The following ZFYVE28 variants were observed in gnomAD, a reference collection of about 807,000 sequenced individuals.
ZFYVE28 encodes the protein zinc finger FYVE-type containing 28.
Under a neutral mutation model 82.1 loss-of-function variants are expected in ZFYVE28, and 40 were observed. The observed-to-expected ratio is 0.49, with a 90% CI of 0.38 to 0.63. The LOEUF is 0.63. ZFYVE28 is among the 30% of genes least tolerant of loss of function. ZFYVE28 has a pLI of 0.00. For synonymous variants in ZFYVE28, 612 were observed against 546.1 expected (o/e 1.12, Z -1.68); for missense variants, 1,321 against 1,242.1 (o/e 1.06, Z -0.96).
intron 1 of ZFYVE28, among the ~76,000 whole-genome samples, chr4:2,368,154 G>A (rs1727082650): frequency 6.8e-6 from 1 of 147,154 alleles, no homozygotes; most frequent in African/African-American, 2.5e-5. Context: ...GAGGTGGGAG[G>A]AGCACTTGAG....
At chr4:2,359,340 G>T (rs1476400536) in intron 1 of ZFYVE28, among the ~76,000 whole-genome samples, 1 of 152,070 alleles carries the variant, frequency 6.6e-6, no homozygotes, top group Admixed American at 6.6e-5. Flanking sequence ...TGCCCGGGCT[G>T]GTCTGGAACT....
chr4:2,357,881 A>G (rs1725569650), intron 1 of ZFYVE28, among the ~76,000 whole-genome samples: 1 of 152,172 alleles, frequency 6.6e-6, no homozygotes, highest in Non-Finnish European at 1.5e-5. Context: ...AAAACCTCAC[A>G]ACACTAGTGC....
Position 2,272,138 on chromosome 4 carries a change from T to C in ZFYVE28, c.2324-359A>G, listed in dbSNP as rs76667421. ...CACCTGCCGTCTCTGAATCATGATT[T>C]CCAGAAGGCAGTCCTGCCAACCTCC... On this transcript the variant is annotated intron_variant, in intron 10 of 12. Transcript: ENST00000290974. Among the ~76,000 whole-genome samples the C allele has an allele frequency of 1.0e-3, 157 of 152,318 alleles. 2 individuals are homozygous for C. In the East Asian group the frequency reaches 0.029, roughly 28 times the overall value.
Position 2,364,733 on chromosome 4 carries a change from T to C in ZFYVE28, c.40-10660A>G, listed in dbSNP as rs1289811631. 7 of 985,322 alleles carry C rather than the reference T, an allele frequency of 7.1e-6. No homozygotes were observed. The East Asian group carries it at 6.8e-4, about 96-fold the overall frequency. The allele number at this position is 985,322 out of a possible 1,614,324, so 61.0% of individuals were successfully genotyped here. A position where few individuals can be genotyped will look rare whatever the true frequency, so the allele number is the denominator to read the frequency against. On this transcript the variant is annotated intron_variant, in intron 1 of 12. Coordinates refer to ENST00000290974, the MANE Select transcript of ZFYVE28 (RefSeq NM_020972.3). Reference sequence around the variant, plus strand: ...CAGGGGTGACAGTGGTGGACGCAGGTGATGAGCATAACGTTGTGCATTCCC... The same window carrying C: ...CAGGGGTGACAGTGGTGGACGCAGGCGATGAGCATAACGTTGTGCATTCCC...
rs1199211871 is a variant in ZFYVE28, at chr4:2,416,094, G to T, written c.39+2191C>A. 6.6e-6 allele frequency among the ~76,000 whole-genome samples: 1 copy of T among 152,224 alleles called. No individual in the cohort carries two copies. Among genetic ancestry groups the T allele is most frequent in the Non-Finnish European group, 1.5e-5 (1 of 68,034 alleles). Reference sequence around the variant, plus strand: ...TCTGGGCTGATCCCTGGGATCAGCTGATTCACTGGCTGTGCCCTCTTGGTG... The same window carrying T: ...TCTGGGCTGATCCCTGGGATCAGCTTATTCACTGGCTGTGCCCTCTTGGTG... On this transcript the variant is annotated intron_variant, in intron 1 of 12. Transcript: ENST00000290974. The surrounding 1 kb of genome is among the most constrained non-coding windows in gnomAD (Gnocchi z 4.6).
intron 1 of ZFYVE28, among the ~76,000 whole-genome samples, chr4:2,389,346 T>C (rs1166276490): frequency 6.6e-6 from 1 of 152,200 alleles, no homozygotes; most frequent in Non-Finnish European, 1.5e-5. Context: ...GAGGCCAGCC[T>C]GCCTGAGGCT....
At chr4:2,292,906 C>G (rs7666177) in intron 8 of ZFYVE28, among the ~76,000 whole-genome samples, 12,839 of 152,192 alleles carry the variant, frequency 0.084, 1,288 homozygotes, top group African/African-American at 0.24. Flanking sequence ...TTCAGCAAAT[C>G]AAAGCCAACA....
In ZFYVE28 at chr4:2,304,925, C is replaced by T. The variant is rs748917099; in HGVS notation, c.1415G>A (p.Ser472Asn). Residue 472 changes from serine (S) to asparagine (N), a missense_variant, in exon 8 of 13, where the codon AGC (serine) becomes AAC (asparagine). Physicochemically the swap from Ser to Asn is conservative, Grantham distance 46 (BLOSUM62 1). Around this residue, in one of 2 missense-constraint regions of ZFYVE28, gnomAD observed 978 missense variants for 833.7 expected, o/e 1.17. Transcript: ENST00000290974. The part of the protein sequence containing the change: ...NLEAEGTDGA[S>N]LAGTSSCSCL... ...GCTGCAGGAGCTGGTGCCCGCGAGG[C>T]TGGCCCCATCTGTGCCCTCGGCCTC... 3.7e-6 allele frequency: 6 copies of T among 1,612,712 alleles called. No individual in the cohort carries two copies. In the South Asian group the frequency reaches 6.6e-5, roughly 18 times the overall value.
intron 8 of ZFYVE28, among the ~76,000 whole-genome samples, chr4:2,279,645 G>C (rs1219422433): frequency 6.6e-6 from 1 of 151,990 alleles, no homozygotes; most frequent in Non-Finnish European, 1.5e-5. Flanking sequence ...GCCAGGCATG[G>C]TGGCGGGCGC....
At chr4:2,369,906 AGTGG>A (rs1281399341) in intron 1 of ZFYVE28, among the ~76,000 whole-genome samples, 7 of 136,434 alleles carry the variant, frequency 5.1e-5, no homozygotes, top group African/African-American at 2.0e-4. Context: ...GCTGGAGTGC[AGTGG>A]CGTGATCTCG....
At chr4:2,398,557 C>A (rs971095826) in intron 1 of ZFYVE28, among the ~76,000 whole-genome samples, 1 of 152,042 alleles carries the variant, frequency 6.6e-6, no homozygotes, top group Non-Finnish European at 1.5e-5. Context: ...TAGGTGAGAT[C>A]CAGCACAAGG....
chr4:2,406,573 T>G (rs1015164558), intron 1 of ZFYVE28: 2 of 152,218 alleles, frequency 1.3e-5, no homozygotes. Context: ...CTCACCTCCT[T>G]GCTTTTGGTA....
At chr4:2,305,913 T>C (rs558324360) in intron 7 of ZFYVE28, among the ~76,000 whole-genome samples, 16 of 152,340 alleles carry the variant, frequency 1.1e-4, no homozygotes, top group Admixed American at 8.5e-4. Context: ...ATCCTTTCAT[T>C]CCACAAATAC....
intron 1 of ZFYVE28, among the ~76,000 whole-genome samples, chr4:2,369,984 G>A (rs1727350655): frequency 6.6e-6 from 1 of 151,122 alleles, no homozygotes. Flanking sequence ...CCGAGCAGGT[G>A]GGATTACAGG....
At chr4:2,401,824 A>G (rs1034156742) in intron 1 of ZFYVE28, among the ~76,000 whole-genome samples, 2 of 152,118 alleles carry the variant, frequency 1.3e-5, no homozygotes, top group African/African-American at 2.4e-5. Flanking sequence ...CGGGGGTCCC[A>G]GTGGTAGCGG....
At chr4:2,321,876 C>T (rs1719129966) in intron 6 of ZFYVE28, among the ~76,000 whole-genome samples, 1 of 152,144 alleles carries the variant, frequency 6.6e-6, no homozygotes, top group Non-Finnish European at 1.5e-5. Flanking sequence ...CCAGCTGCCC[C>T]CCAGGGCAGT....
Position 2,270,543 on chromosome 4 carries a change from C to T in ZFYVE28, c.*182G>A. On this transcript the variant is annotated 3_prime_UTR_variant, in exon 13 of 13. Coordinates refer to ENST00000290974, the MANE Select transcript of ZFYVE28 (RefSeq NM_020972.3). ...ACCTCTTGTTGGCCCCTGCAGCCGG[C>T]CCGGGGTCCCTGCAGGGAGGCTAGC... 2 of 891,818 alleles carry T rather than the reference C, an allele frequency of 2.2e-6. No homozygotes were observed. The highest frequency in any genetic ancestry group is 1.8e-5 in the South Asian group (1 of 56,940). The allele number at this position is 891,818 out of a possible 1,614,324, so 55.2% of individuals were successfully genotyped here.
chr4:2,350,623 C>T (rs964820437), intron 2 of ZFYVE28, among the ~76,000 whole-genome samples: 3 of 152,178 alleles, frequency 2.0e-5, no homozygotes, highest in African/African-American at 4.8e-5. Flanking sequence ...GGATGGGGGG[C>T]TGGTCCCTGG....
intron 1 of ZFYVE28, among the ~76,000 whole-genome samples, chr4:2,404,076 A>T (rs13108929): frequency 0.85 from 128,828 of 151,744 alleles, 54,846 homozygotes; most frequent in Admixed American, 0.9. Context: ...ATCCCAGCAC[A>T]TTGGGAGGCT....
Sources: allele counts gnomAD v4.1 joint callset (sites outside exome capture counted in the v4.1 genomes callset), GRCh38; gene constraint gnomAD v4.1.1; regional missense constraint gnomAD v4.1.1; non-coding constraint Gnocchi (gnomAD v3.1); transcripts MANE v1.5; gene names NCBI Gene and HGNC (gene_info 2026-07-23, HGNC 2026-07-21).